The following NRXN3 variants were observed in gnomAD, a reference collection of about 807,000 sequenced individuals.
The protein encoded by NRXN3 is neurexin III.
NRXN3 carries 32 observed loss-of-function variants against 137.6 expected under a neutral mutation model. That is an observed-to-expected ratio of 0.23 (90% CI 0.18 to 0.31). The LOEUF (loss-of-function observed/expected upper bound fraction) is 0.31. Among genes scored for constraint, NRXN3 ranks in the 10% least tolerant of loss-of-function variants. The pLI is 1.00. For synonymous variants in NRXN3, 798 were observed against 784.5 expected, an observed-to-expected ratio of 1.02 and a Z score of -0.29; for missense variants, 1,574 against 2,062.5, an observed-to-expected ratio of 0.76 and a Z score of 4.59.
chr14:78,462,200 C>G (rs2094940455), intron 4 of NRXN3, among the ~76,000 whole-genome samples: 1 of 152,186 alleles, frequency 6.6e-6, no homozygotes, highest in Non-Finnish European at 1.5e-5. Flanking sequence ...CCCAGAGGCT[C>G]CTTTGGATGC....
At chr14:79,075,473 C>A (rs1350825689) in intron 15 of NRXN3, among the ~76,000 whole-genome samples, 1 of 152,064 alleles carries the variant, frequency 6.6e-6, no homozygotes, top group East Asian at 1.9e-4. Context: ...TTCAGAGATT[C>A]AGAAGAATGT....
chr14:78,490,209 G>A (rs1222842422), intron 4 of NRXN3, among the ~76,000 whole-genome samples: 3 of 24,920 alleles, frequency 1.2e-4, no homozygotes, highest in South Asian at 1.2e-3. Flanking sequence ...CACCACACCC[G>A]GCCTCCCAAA....
At chr14:79,246,226 G>C (rs1196364697) in intron 15 of NRXN3, among the ~76,000 whole-genome samples, 1 of 152,172 alleles carries the variant, frequency 6.6e-6, no homozygotes, top group Non-Finnish European at 1.5e-5. Context: ...TCCATTCCTT[G>C]TTAGGCTAAA....
chr14:79,481,498 A>G (rs1446268593), intron 16 of NRXN3, among the ~76,000 whole-genome samples: 1 of 152,214 alleles, frequency 6.6e-6, no homozygotes, highest in African/African-American at 2.4e-5. Context: ...ATAAACCTGC[A>G]CAGCGTGTTC....
At chr14:79,257,472 ATGGTGGTGATGGTGGTG>A (rs2076852521) in intron 15 of NRXN3, among the ~76,000 whole-genome samples, 3 of 11,736 alleles carry the variant, frequency 2.6e-4, no homozygotes, top group African/African-American at 4.4e-4. Flanking sequence ...GGTGGTGGTG[ATGGTGGTGATGGTGGTG>A]ATGGTGGTGG....
At chr14:78,300,753 T>A in intron 4 of NRXN3, 1 of 1,135,654 alleles carries the variant, frequency 8.8e-7, no homozygotes, top group Non-Finnish European at 1.3e-6. Context: ...TATTCATGCA[T>A]CCAAGAGGAT....
At chr14:78,670,582 G>A (rs2097924621) in intron 6 of NRXN3, among the ~76,000 whole-genome samples, 2 of 152,180 alleles carry the variant, frequency 1.3e-5, no homozygotes. Flanking sequence ...CTTTTATTGA[G>A]TGTTTACCAT....
intron 10 of NRXN3, among the ~76,000 whole-genome samples, chr14:78,953,435 G>A (rs1337172009): frequency 6.6e-6 from 1 of 152,178 alleles, no homozygotes; most frequent in Non-Finnish European, 1.5e-5. Context: ...ATTCAACAGA[G>A]AATTAGGCCA....
At chr14:79,836,026 G>C (rs2099341644) in intron 20 of NRXN3, among the ~76,000 whole-genome samples, 1 of 152,126 alleles carries the variant, frequency 6.6e-6, no homozygotes, top group Admixed American at 6.6e-5. Context: ...TCAGAACTCA[G>C]TTTTGTGCAG....
chr14:79,012,081 A>T (rs1269846250), intron 15 of NRXN3, among the ~76,000 whole-genome samples: 1 of 152,220 alleles, frequency 6.6e-6, no homozygotes, highest in Non-Finnish European at 1.5e-5. Context: ...GTAGTAAGTG[A>T]TAGAAAAATT....
chr14:78,985,544 T>C (rs2099501188), intron 14 of NRXN3, among the ~76,000 whole-genome samples: 1 of 152,096 alleles, frequency 6.6e-6, no homozygotes, highest in African/African-American at 2.4e-5. Context: ...CTTAGAAAAA[T>C]GGTTAAAATT....
At chr14:79,492,712 A>G (rs761192053) in intron 16 of NRXN3, among the ~76,000 whole-genome samples, 9 of 152,146 alleles carry the variant, frequency 5.9e-5, no homozygotes, top group African/African-American at 1.7e-4. Context: ...ACATTTATCA[A>G]TGAAATTTTC....
Position 79,379,972 on chromosome 14 carries a change from C to T in NRXN3, c.3263-87249C>T, listed in dbSNP as rs536725441. Among the ~76,000 whole-genome samples the T allele has an allele frequency of 2.0e-5, 3 of 151,734 alleles. No individual in the cohort carries two copies. In the South Asian group the frequency reaches 6.2e-4, roughly 32 times the overall value. On this transcript the variant is annotated intron_variant, in intron 15 of 20. Transcript: ENST00000335750. ...GTGTATAGGTGGGAATCCCATAGAC[C>T]TAAAAAGAAAAACAATCTAGGATTT...
chr14:79,202,009 A>G (rs1267208415), intron 15 of NRXN3, among the ~76,000 whole-genome samples: 2 of 152,110 alleles, frequency 1.3e-5, no homozygotes, highest in African/African-American at 2.4e-5. Flanking sequence ...ATGCTTAACC[A>G]TTACTGCACC....
chr14:78,746,207 A>C (rs1184987989), intron 8 of NRXN3, among the ~76,000 whole-genome samples: 1 of 152,152 alleles, frequency 6.6e-6, no homozygotes, highest in African/African-American at 2.4e-5. Flanking sequence ...AATGTTCTCT[A>C]AGCTGTAAGT....
rs57469863 is a variant in NRXN3, at chr14:78,234,994, TTATATATATATATA to T, written c.-703-7381_-703-7368del. ...GATTATCTGGCAGCCACAAATGCTT[TTATATATATATATA>T]TATATATATATATATGTGTATATAT... is the stretch of plus-strand genomic sequence containing the variant. On this transcript the variant is annotated intron_variant, in intron 1 of 20. Transcript: ENST00000335750. Among the ~76,000 whole-genome samples, 37 of 108,816 alleles carry T rather than the reference TTATATATATATATA, an allele frequency of 3.4e-4. 1 individual carries two copies. Among genetic ancestry groups the T allele is most frequent in the African/African-American group, 1.2e-3 (36 of 30,512 alleles). The allele number at this position is 108,816 out of a possible 152,430, so 71.4% of individuals were successfully genotyped here.
intron 16 of NRXN3, among the ~76,000 whole-genome samples, chr14:79,637,194 G>T (rs1262133007): frequency 6.6e-6 from 1 of 152,092 alleles, no homozygotes; most frequent in Non-Finnish European, 1.5e-5. Context: ...TTATAATAAT[G>T]TTTACTTCAT....
At chr14:78,452,523 G>T (rs911661428) in intron 4 of NRXN3, among the ~76,000 whole-genome samples, 1 of 152,102 alleles carries the variant, frequency 6.6e-6, no homozygotes, top group Admixed American at 6.5e-5. Flanking sequence ...TTTTTTCTTG[G>T]TATGAGGAAT....
intron 11 of NRXN3, among the ~76,000 whole-genome samples, chr14:78,964,967 T>C (rs967062167): frequency 6.6e-6 from 1 of 152,200 alleles, no homozygotes; most frequent in African/African-American, 2.4e-5. Context: ...GCCACACAGT[T>C]TGAAAAAGCC....
Sources: allele counts gnomAD v4.1 joint callset (sites outside exome capture counted in the v4.1 genomes callset), GRCh38; gene constraint gnomAD v4.1.1; transcripts MANE v1.5; gene names NCBI Gene and HGNC (gene_info 2026-07-23, HGNC 2026-07-21).